FBXL17: variants seen among roughly 807,000 people sequenced by gnomAD.
FBXL17 encodes the protein F-box/LRR-repeat protein 17.
In FBXL17, 22 loss-of-function variants were observed where a neutral mutation model predicts 66.2. The observed-to-expected ratio is 0.33, with a 90% CI of 0.24 to 0.47. The LOEUF (loss-of-function observed/expected upper bound fraction) is 0.47, where lower values mean the gene tolerates loss of function less well. Ranked by LOEUF, FBXL17 falls within the 20% of genes least tolerant of loss-of-function variation. The pLI is 1.00. For synonymous variants in FBXL17, 474 were observed against 400.5 expected (o/e 1.18, Z -2.19); for missense variants, 878 against 948.2 (o/e 0.93, Z 0.97).
At chr5:108,027,899 T>A (rs1754890681) in intron 6 of FBXL17, among the ~76,000 whole-genome samples, 1 of 152,108 alleles carries the variant, frequency 6.6e-6, no homozygotes, top group South Asian at 2.1e-4. Context: ...AGAAACCTCC[T>A]CCATCTTTTA....
rs147132173 is a variant in FBXL17 at position 107,878,386 on chromosome 5, T to C, written c.1965+2651A>G. On this transcript the variant is annotated intron_variant, in intron 8 of 8. Coordinates refer to ENST00000542267, the MANE Select transcript of FBXL17 (RefSeq NM_001163315.3). ...CAGTAACAGAGCATTTTATATATAATAGACATTATTCTAAGTGCTTTATGT... is the reference window on the plus strand; with the variant it reads ...CAGTAACAGAGCATTTTATATATAACAGACATTATTCTAAGTGCTTTATGT... 275 of 754,778 alleles carry C rather than the reference T, an allele frequency of 3.6e-4. 1 individual carries two copies. In the African/African-American group the frequency reaches 5.0e-3, roughly 14 times the overall value. The allele number at this position is 754,778 out of a possible 1,614,324, so 46.8% of individuals were successfully genotyped here. A position where few individuals can be genotyped will look rare whatever the true frequency, so the allele number is the denominator to read the frequency against.
intron 1 of FBXL17, among the ~76,000 whole-genome samples, chr5:108,378,186 T>C (rs1749577473): frequency 6.6e-6 from 1 of 151,866 alleles, no homozygotes; most frequent in African/African-American, 2.4e-5. Flanking sequence ...AATTAGCCTA[T>C]GATGCAACAT....
At chr5:108,266,981 T>G (rs924092569) in intron 4 of FBXL17, among the ~76,000 whole-genome samples, 4 of 152,142 alleles carry the variant, frequency 2.6e-5, no homozygotes, top group Non-Finnish European at 4.4e-5. Flanking sequence ...TTTAGATTTA[T>G]TCTATGGCAT....
chr5:108,374,477 G>A (rs1389026419), intron 1 of FBXL17, among the ~76,000 whole-genome samples: 7 of 152,080 alleles, frequency 4.6e-5, no homozygotes, highest in Admixed American at 3.9e-4. Flanking sequence ...TTTAAGACCA[G>A]CCTGGGCAAC....
Position 107,915,022 on chromosome 5 carries a change from G to A in FBXL17, c.1823-33843C>T, listed in dbSNP as rs1172501519. Among the ~76,000 whole-genome samples the A allele has an allele frequency of 2.0e-5, 3 of 152,146 alleles. No homozygotes were observed. In the East Asian group the frequency reaches 5.8e-4, roughly 29 times the overall value. On this transcript the variant is annotated intron_variant, in intron 7 of 8. Coordinates refer to ENST00000542267, the MANE Select transcript of FBXL17 (RefSeq NM_001163315.3). ...TAAAAATAAACATGGATAGAACACTGAACTACACTTTAGTCTTTGATGAAG... is the reference window on the plus strand; with the variant it reads ...TAAAAATAAACATGGATAGAACACTAAACTACACTTTAGTCTTTGATGAAG...
intron 7 of FBXL17, among the ~76,000 whole-genome samples, chr5:107,946,735 A>G (rs571335001): frequency 2.6e-5 from 4 of 152,106 alleles, no homozygotes; most frequent in Non-Finnish European, 4.4e-5. Context: ...AAATGAAAAC[A>G]GTAATATGCA....
At chr5:107,868,156 T>C (rs1458708754) in intron 8 of FBXL17, among the ~76,000 whole-genome samples, 1 of 152,146 alleles carries the variant, frequency 6.6e-6, no homozygotes, top group Non-Finnish European at 1.5e-5. Context: ...TAGCTAGAAT[T>C]TGAATTCAGG....
intron 6 of FBXL17, among the ~76,000 whole-genome samples, chr5:108,113,842 T>C (rs1378495011): frequency 2.6e-5 from 4 of 152,184 alleles, no homozygotes; most frequent in Non-Finnish European, 5.9e-5. Flanking sequence ...ACACTTGAAA[T>C]AGTCATGCCA....
rs781372160 is a variant in FBXL17, at chr5:107,880,894, G to A, written c.1965+143C>T. The A allele has an allele frequency of 2.8e-6, 4 of 1,439,022 alleles. No individual in the cohort carries two copies. In the South Asian group the frequency reaches 6.4e-5, roughly 23 times the overall value. 89.1% of individuals were successfully genotyped at this position (1,439,022 alleles called of 1,614,324 possible). On this transcript the variant is annotated intron_variant, in intron 8 of 8. Transcript: ENST00000542267. ...TACAAAAGCAGGCAAACAATGCATA[G>A]CTATAATTGCATATATACATATAAA...
At chr5:108,125,117 TA>T (rs897924507) in intron 6 of FBXL17, among the ~76,000 whole-genome samples, 7 of 151,632 alleles carry the variant, frequency 4.6e-5, no homozygotes, top group African/African-American at 1.5e-4. Flanking sequence ...TGTATTTTAT[TA>T]AAAAAAAAGA....
At chr5:108,162,486 T>C (rs974097608) in intron 6 of FBXL17, among the ~76,000 whole-genome samples, 1 of 152,074 alleles carries the variant, frequency 6.6e-6, no homozygotes, top group Non-Finnish European at 1.5e-5. Context: ...CAAGACTCTG[T>C]CTCTAAAAAA....
chr5:107,999,871 C>T (rs192185377), intron 7 of FBXL17, among the ~76,000 whole-genome samples: 94 of 152,268 alleles, frequency 6.2e-4, no homozygotes, highest in Non-Finnish European at 1.2e-3. Flanking sequence ...AGTGGAGATG[C>T]ATTCATATAC....
chr5:108,174,998 T>C (rs1026365884), intron 6 of FBXL17, among the ~76,000 whole-genome samples: 1 of 152,264 alleles, frequency 6.6e-6, no homozygotes, highest in East Asian at 1.9e-4. Flanking sequence ...ATCCGAACAA[T>C]GACATTAAAT....
chr5:107,976,637 C>G (rs1406718108), intron 7 of FBXL17, among the ~76,000 whole-genome samples: 2 of 152,024 alleles, frequency 1.3e-5, no homozygotes, highest in Admixed American at 1.3e-4. Context: ...AAGAATCAAC[C>G]ATGTGAGATA....
intron 4 of FBXL17, among the ~76,000 whole-genome samples, chr5:108,273,712 A>G (rs1757370403): frequency 6.6e-6 from 1 of 152,166 alleles, no homozygotes; most frequent in South Asian, 2.1e-4. Context: ...AAAAAATACC[A>G]AAATTAGTTG....
chr5:108,135,078 C>T (rs1004563704), intron 6 of FBXL17, among the ~76,000 whole-genome samples: 2 of 152,046 alleles, frequency 1.3e-5, no homozygotes, highest in African/African-American at 2.4e-5. Flanking sequence ...GTAGTGGTAG[C>T]GTCAGAATTT....
chr5:107,909,458 T>C (rs1749877018), intron 7 of FBXL17, among the ~76,000 whole-genome samples: 1 of 152,144 alleles, frequency 6.6e-6, no homozygotes, highest in South Asian at 2.1e-4. Context: ...AGGAAGGTGG[T>C]TGAATGAAAT....
intron 6 of FBXL17, among the ~76,000 whole-genome samples, chr5:108,137,669 GTC>G (rs2149982647): frequency 6.6e-6 from 1 of 152,254 alleles, no homozygotes; most frequent in Admixed American, 6.5e-5. Flanking sequence ...TCAAGAGAAA[GTC>G]ATGAAATCAA....
chr5:107,964,089 A>G (rs1752025535), intron 7 of FBXL17, among the ~76,000 whole-genome samples: 1 of 152,172 alleles, frequency 6.6e-6, no homozygotes, highest in Non-Finnish European at 1.5e-5. Flanking sequence ...AAGATTTATT[A>G]TGGTTCCACT....
Sources: gnomAD v4.1 joint callset for allele counts (sites outside exome capture counted in the v4.1 genomes callset) on GRCh38, gnomAD v4.1.1 for gene constraint, MANE v1.5 for transcripts, NCBI Gene and HGNC (gene_info 2026-07-23, HGNC 2026-07-21) for gene names.